Variants in NDUFAF2 observed in about 807,000 individuals in gnomAD.
The protein encoded by NDUFAF2 is NADH dehydrogenase [ubiquinone] 1 alpha subcomplex assembly factor 2.
Under a neutral mutation model 22.8 loss-of-function variants are expected in NDUFAF2, and 13 were observed. The observed-to-expected ratio is 0.57, with a 90% CI of 0.37 to 0.91. NDUFAF2 has a LOEUF of 0.91. NDUFAF2 is among the 40% of genes least tolerant of loss of function. The pLI is 0.01. For synonymous variants in NDUFAF2, 53 were observed against 64.2 expected, an observed-to-expected ratio of 0.83 and a Z score of 0.84; for missense variants, 162 against 195.2, an observed-to-expected ratio of 0.83 and a Z score of 1.01.
At chr5:61,100,522 C>T (rs578187305) in intron 3 of NDUFAF2, among the ~76,000 whole-genome samples, 66 of 102,006 alleles carry the variant, frequency 6.5e-4, no homozygotes, top group African/African-American at 2.5e-3. Flanking sequence ...TATGCTGCTT[C>T]GTACCCTCCC....
At chr5:61,068,062 T>C (rs560297421) in intron 1 of NDUFAF2, among the ~76,000 whole-genome samples, 1 of 152,304 alleles carries the variant, frequency 6.6e-6, no homozygotes, top group South Asian at 2.1e-4. Flanking sequence ...AAGTGTTTAT[T>C]AATTCATTTT....
At chr5:61,061,668 C>T (rs1368899741) in intron 1 of NDUFAF2, among the ~76,000 whole-genome samples, 1 of 152,156 alleles carries the variant, frequency 6.6e-6, no homozygotes, top group Non-Finnish European at 1.5e-5. Flanking sequence ...TACATCAGGT[C>T]CCAGGTGCTA....
intron 1 of NDUFAF2, among the ~76,000 whole-genome samples, chr5:60,999,944 A>G (rs1316504820): frequency 1.3e-5 from 2 of 152,126 alleles, no homozygotes; most frequent in African/African-American, 4.8e-5. Context: ...TGCAAATCAG[A>G]AAAACTAACA....
chr5:60,993,170 C>A (rs1751183100), intron 1 of NDUFAF2, among the ~76,000 whole-genome samples: 1 of 152,240 alleles, frequency 6.6e-6, no homozygotes, highest in African/African-American at 2.4e-5. Flanking sequence ...GCTCCAGGTG[C>A]AGCATGGGCA....
chr5:61,055,455 T>A (rs552443807), intron 1 of NDUFAF2, among the ~76,000 whole-genome samples: 1 of 152,206 alleles, frequency 6.6e-6, no homozygotes, highest in Admixed American at 6.5e-5. Flanking sequence ...AGGAGTTGTA[T>A]GTGTATATGA....
chr5:60,994,232 T>C (rs185851538), intron 1 of NDUFAF2, among the ~76,000 whole-genome samples: 55 of 152,346 alleles, frequency 3.6e-4, no homozygotes, highest in African/African-American at 1.1e-3. Flanking sequence ...AGCAGACACT[T>C]CTGAGCCTGT....
At chr5:61,047,344 C>T (rs112553758) in intron 1 of NDUFAF2, among the ~76,000 whole-genome samples, 85 of 151,994 alleles carry the variant, frequency 5.6e-4, no homozygotes, top group African/African-American at 2.0e-3. Flanking sequence ...TTAAGTAACA[C>T]TAAAGAATAC....
chr5:61,052,117 G>C (rs182975467), intron 1 of NDUFAF2, among the ~76,000 whole-genome samples: 148 of 148,210 alleles, frequency 1.0e-3, no homozygotes, highest in African/African-American at 3.5e-3. Flanking sequence ...TACCCCACTA[G>C]AGCACTTGTG....
chr5:61,096,575 G>A (rs962995173), intron 2 of NDUFAF2, among the ~76,000 whole-genome samples: 1 of 144,608 alleles, frequency 6.9e-6, no homozygotes, highest in Non-Finnish European at 1.5e-5. Context: ...CTCCAGCCTG[G>A]CAACAGAGTG....
At chr5:60,962,330 A>C (rs1186612446) in intron 1 of NDUFAF2, among the ~76,000 whole-genome samples, 1 of 152,148 alleles carries the variant, frequency 6.6e-6, no homozygotes. Context: ...AAGTTTTCTA[A>C]AGATTTTTAT....
chr5:61,087,680 A>G (rs907179998), intron 2 of NDUFAF2, among the ~76,000 whole-genome samples: 9 of 152,174 alleles, frequency 5.9e-5, no homozygotes, highest in South Asian at 2.1e-4. Flanking sequence ...ACATAAAGAC[A>G]TAAGTCCAAA....
At chr5:61,030,877 T>C (rs1751714065) in intron 1 of NDUFAF2, among the ~76,000 whole-genome samples, 1 of 152,140 alleles carries the variant, frequency 6.6e-6, no homozygotes, top group African/African-American at 2.4e-5. Context: ...TTATTTTAGA[T>C]GAGAACGTTG....
intron 2 of NDUFAF2, among the ~76,000 whole-genome samples, chr5:61,079,988 A>G (rs555287379): frequency 2.6e-5 from 4 of 152,218 alleles, no homozygotes; most frequent in African/African-American, 7.2e-5. Context: ...TTCAATGTCC[A>G]TTGTTTTGAA....
chr5:60,950,102 G>T (rs1368298184), intron 1 of NDUFAF2, among the ~76,000 whole-genome samples: 2 of 152,084 alleles, frequency 1.3e-5, no homozygotes, highest in Non-Finnish European at 2.9e-5. Flanking sequence ...CACTAGATGA[G>T]CCTCCAGTAT....
At chr5:60,972,242 ATT>A (rs747590997) in intron 1 of NDUFAF2, among the ~76,000 whole-genome samples, 14 of 133,248 alleles carry the variant, frequency 1.1e-4, no homozygotes, top group South Asian at 2.4e-4. Flanking sequence ...TGCCTGGCCC[ATT>A]TTTTTTTTTT....
intron 1 of NDUFAF2, among the ~76,000 whole-genome samples, chr5:61,036,943 G>A (rs1751807286): frequency 6.6e-6 from 1 of 152,168 alleles, no homozygotes; most frequent in Admixed American, 6.5e-5. Context: ...GCAGGGGTCA[G>A]AAGGGTGGAT....
chr5:61,126,905 GA>G (rs1387592598), intron 3 of NDUFAF2, among the ~76,000 whole-genome samples: 2 of 151,864 alleles, frequency 1.3e-5, no homozygotes, highest in South Asian at 4.2e-4. Context: ...GACTAATGAA[GA>G]AAAGAGAGAA....
chr5:61,100,055 C>G (rs1752687848), intron 3 of NDUFAF2, among the ~76,000 whole-genome samples: 1 of 152,160 alleles, frequency 6.6e-6, no homozygotes, highest in African/African-American at 2.4e-5. Flanking sequence ...TATGTTGCTT[C>G]TGCCTTGGCC....
chr5:61,002,333 A>G (rs577527740), intron 1 of NDUFAF2, among the ~76,000 whole-genome samples: 1 of 152,242 alleles, frequency 6.6e-6, no homozygotes, highest in South Asian at 2.1e-4. Context: ...ATTCAGCCTT[A>G]ACTCCTTTAG....
Sources: gnomAD v4.1 joint callset for allele counts (sites outside exome capture counted in the v4.1 genomes callset) on GRCh38, gnomAD v4.1.1 for gene constraint, MANE v1.5 for transcripts, NCBI Gene and HGNC (gene_info 2026-07-23, HGNC 2026-07-21) for gene names.